TRDN: variants seen among roughly 807,000 people sequenced by gnomAD.
The protein encoded by TRDN is triadin.
A neutral mutation model predicts 149.7 loss-of-function variants in TRDN; 161 were observed. The ratio of observed to expected loss-of-function variants is 1.08; its 90% CI spans 0.95 to 1.23. TRDN has a LOEUF of 1.23. Ranked by LOEUF, TRDN falls within the 50% of genes most tolerant of loss-of-function variation. The pLI, the probability that TRDN is intolerant of heterozygous loss-of-function variation, is 0.00. For synonymous variants in TRDN, 294 were observed against 250.5 expected (o/e 1.17, Z -1.64); for missense variants, 896 against 823.5 (o/e 1.09, Z -1.08).
chr6:123,541,226 C>A (rs1219176846), intron 4 of TRDN, among the ~76,000 whole-genome samples: 4 of 152,164 alleles, frequency 2.6e-5, no homozygotes, highest in Non-Finnish European at 5.9e-5. Flanking sequence ...GCCTCAGAGA[C>A]TCTTTTAATT....
chr6:123,239,778 A>T lies in TRDN; in HGVS notation c.1975+12634T>A, dbSNP rs1477814554. On this transcript the variant is annotated intron_variant, in intron 38 of 40. Transcript: ENST00000334268. ...TTAAAGGAAAATTTATTGCTGTTACATACATATGTAAAAGTAGAAAGGAAA... is the reference window on the plus strand; with the variant it reads ...TTAAAGGAAAATTTATTGCTGTTACTTACATATGTAAAAGTAGAAAGGAAA... Among the ~76,000 whole-genome samples the T allele has an allele frequency of 2.6e-5, 4 of 152,054 alleles. No individual in the cohort carries two copies. The East Asian group carries it at 7.7e-4, about 29-fold the overall frequency.
intron 9 of TRDN, among the ~76,000 whole-genome samples, chr6:123,493,692 A>C (rs544581714): frequency 6.6e-6 from 1 of 152,292 alleles, no homozygotes; most frequent in South Asian, 2.1e-4. Flanking sequence ...CCCAAACAGA[A>C]ACAGATGGAA....
At chr6:123,376,568 G>A (rs1275389381) in intron 18 of TRDN, among the ~76,000 whole-genome samples, 2 of 151,882 alleles carry the variant, frequency 1.3e-5, no homozygotes, top group African/African-American at 4.8e-5. Context: ...GACTATATAA[G>A]GTAGAAAAGG....
At chr6:123,221,079 T>A (rs1019590754) in intron 40 of TRDN, among the ~76,000 whole-genome samples, 1 of 151,770 alleles carries the variant, frequency 6.6e-6, no homozygotes. Context: ...ATCTTAGAAG[T>A]GAGTTTCCAA....
At chr6:123,431,772 G>A (rs1774350454) in intron 12 of TRDN, among the ~76,000 whole-genome samples, 1 of 152,118 alleles carries the variant, frequency 6.6e-6, no homozygotes, top group African/African-American at 2.4e-5. Flanking sequence ...AGAAATTTAA[G>A]TGATCTGTAG....
At chr6:123,344,067 C>T (rs549634395) in intron 21 of TRDN, among the ~76,000 whole-genome samples, 71 of 152,166 alleles carry the variant, frequency 4.7e-4, no homozygotes, top group African/African-American at 1.3e-3. Flanking sequence ...CACAGCACAT[C>T]ACCATTCTAG....
chr6:123,495,023 C>G (rs1778383536), intron 9 of TRDN, among the ~76,000 whole-genome samples: 1 of 151,968 alleles, frequency 6.6e-6, no homozygotes, highest in African/African-American at 2.4e-5. Context: ...CATGACCCAC[C>G]TGGCCCGGCC....
chr6:123,590,449 A>T (rs555836297), intron 1 of TRDN, among the ~76,000 whole-genome samples: 59 of 152,194 alleles, frequency 3.9e-4, no homozygotes, highest in African/African-American at 1.4e-3. Flanking sequence ...TAATTATTTT[A>T]TTATATATTA....
At chr6:123,371,601 T>C (rs4897203) in intron 19 of TRDN, among the ~76,000 whole-genome samples, 141,213 of 152,196 alleles carry the variant, frequency 0.93, 65,566 homozygotes, top group East Asian at 0.99. Flanking sequence ...CTGTCCCTTT[T>C]TCCCCTACCT....
At chr6:123,506,061 T>G (rs555551112) in intron 7 of TRDN, among the ~76,000 whole-genome samples, 13 of 152,306 alleles carry the variant, frequency 8.5e-5, no homozygotes, top group African/African-American at 3.1e-4. Context: ...GCGGATGACT[T>G]TAAATTGAAA....
chr6:123,400,576 C>G (rs1772925096), intron 12 of TRDN, among the ~76,000 whole-genome samples: 1 of 152,094 alleles, frequency 6.6e-6, no homozygotes, highest in South Asian at 2.1e-4. Context: ...CTGTAATGCT[C>G]CTTTCCTGGC....
At chr6:123,562,658 C>CA (rs1782063178) in intron 2 of TRDN, among the ~76,000 whole-genome samples, 1 of 151,866 alleles carries the variant, frequency 6.6e-6, no homozygotes, top group South Asian at 2.1e-4. Context: ...GAGACACATG[C>CA]AAAAAATAAA....
chr6:123,514,683 G>T (rs572953442), intron 6 of TRDN, among the ~76,000 whole-genome samples: 7 of 149,918 alleles, frequency 4.7e-5, no homozygotes, highest in Non-Finnish European at 1.0e-4. Flanking sequence ...GGAGAAATGG[G>T]CAGTGAGTGT....
chr6:123,327,777 A>G (rs1193130252), intron 23 of TRDN, among the ~76,000 whole-genome samples: 4 of 152,158 alleles, frequency 2.6e-5, no homozygotes, highest in Non-Finnish European at 4.4e-5. Flanking sequence ...TTCTGCAAAT[A>G]CAACTTTGAT....
At chr6:123,414,013 T>C (rs1773547874) in intron 12 of TRDN, among the ~76,000 whole-genome samples, 2 of 152,112 alleles carry the variant, frequency 1.3e-5, no homozygotes, top group Admixed American at 1.3e-4. Context: ...TTCTTACCTT[T>C]TAATCACACA....
chr6:123,218,809 G>T (rs540193280), intron 40 of TRDN, 69 bp from the exon 41 acceptor site: 625 of 1,467,682 alleles, frequency 4.3e-4, no homozygotes, highest in Non-Finnish European at 5.5e-4. Flanking sequence ...GTGAGGCAGT[G>T]CAGTGCAGCA....
At chr6:123,364,991 T>C (rs943277711) in intron 20 of TRDN, among the ~76,000 whole-genome samples, 7 of 152,230 alleles carry the variant, frequency 4.6e-5, no homozygotes, top group Non-Finnish European at 7.3e-5. Context: ...CAATAACTTC[T>C]GATAAATGAA....
At chr6:123,267,322 A>C (rs547374843) in intron 32 of TRDN, among the ~76,000 whole-genome samples, 1 of 152,130 alleles carries the variant, frequency 6.6e-6, no homozygotes, top group South Asian at 2.1e-4. Flanking sequence ...TTTTAAGAGG[A>C]TATATCAAGC....
intron 24 of TRDN, among the ~76,000 whole-genome samples, chr6:123,302,285 A>C (rs1778457311): frequency 6.6e-6 from 1 of 151,998 alleles, no homozygotes; most frequent in African/African-American, 2.4e-5. Context: ...CATTATGTAA[A>C]ATTTTTAGCC....
Sources: allele counts gnomAD v4.1 joint callset (sites outside exome capture counted in the v4.1 genomes callset), GRCh38; gene constraint gnomAD v4.1.1; transcripts MANE v1.5; gene names NCBI Gene and HGNC (gene_info 2026-07-23, HGNC 2026-07-21).